Variants in CYTH1 observed in about 807,000 individuals in gnomAD.
CYTH1 encodes cytohesin-1.
CYTH1 carries 18 observed loss-of-function variants against 61.8 expected under a neutral mutation model. That is an observed-to-expected ratio of 0.29 (90% CI 0.20 to 0.43). The LOEUF is 0.43. CYTH1 is among the 20% of genes least tolerant of loss of function. CYTH1 has a pLI of 1.00. For missense variants in CYTH1, 336 were observed against 510.5 expected (o/e 0.66, Z 3.29); for synonymous variants, 174 against 184.3 (o/e 0.94, Z 0.45).
intron 1 of CYTH1, among the ~76,000 whole-genome samples, chr17:78,766,971 T>C (rs1280956029): frequency 1.3e-5 from 2 of 152,172 alleles, no homozygotes; most frequent in East Asian, 3.8e-4. Flanking sequence ...TTTCCTCACC[T>C]ATAAAATCAG....
At chr17:78,681,673 T>A (rs2092764243) in intron 11 of CYTH1, among the ~76,000 whole-genome samples, 1 of 152,048 alleles carries the variant, frequency 6.6e-6, no homozygotes, top group South Asian at 2.1e-4. Context: ...CTGACGGCAG[T>A]TTCACAGTCC....
Position 78,674,889 on chromosome 17 carries a change from AG to A in CYTH1, c.*1201del. ...CAGGGCCAGCTCACACAGCGCCTGCAGGGGAAGACAGAGATGCGAGAGGCAG... is the reference window on the plus strand; with the variant it reads ...CAGGGCCAGCTCACACAGCGCCTGCAGGGAAGACAGAGATGCGAGAGGCAG... On this transcript the variant is annotated 3_prime_UTR_variant, in exon 14 of 14. Transcript: ENST00000446868. The A allele has an allele frequency of 6.5e-6, 1 of 153,250 alleles. No individual in the cohort carries two copies. Among genetic ancestry groups the A allele is most frequent in the Admixed American group, 6.5e-5 (1 of 15,318 alleles). The allele number at this position is 153,250 out of a possible 1,614,324, so 9.5% of individuals were successfully genotyped here. A position where few individuals can be genotyped will look rare whatever the true frequency, so the allele number is the denominator to read the frequency against.
intron 1 of CYTH1, among the ~76,000 whole-genome samples, chr17:78,714,764 T>C (rs912711607): frequency 6.6e-6 from 1 of 151,932 alleles, no homozygotes; most frequent in Non-Finnish European, 1.5e-5. Flanking sequence ...TGCTTCACTC[T>C]TACACTTACA....
Position 78,681,687 on chromosome 17 carries a change from GA to G in CYTH1, c.892-646del, listed in dbSNP as rs74656209. The stretch of plus-strand genomic sequence containing the variant: ...CCTGACGGCAGTTTCACAGTCCCCT[GA>G]TATCCAGCCAACCCATGGCCAAGTC... On this transcript the variant is annotated intron_variant, in intron 11 of 13. Coordinates refer to ENST00000446868, the MANE Select transcript of CYTH1 (RefSeq NM_004762.6). Among the ~76,000 whole-genome samples the G allele has an allele frequency of 1.6e-3, 237 of 152,228 alleles. 4 individuals carry two copies. In the East Asian group the frequency reaches 0.041, roughly 27 times the overall value.
intron 1 of CYTH1, among the ~76,000 whole-genome samples, chr17:78,718,088 T>G (rs1055572354): frequency 2.0e-5 from 3 of 151,838 alleles, no homozygotes; most frequent in Non-Finnish European, 2.9e-5. Flanking sequence ...TTAGTCAGAG[T>G]TGCTCCCAGG....
chr17:78,690,155 G>A (rs187295754), intron 11 of CYTH1, among the ~76,000 whole-genome samples: 1 of 151,758 alleles, frequency 6.6e-6, no homozygotes, highest in Non-Finnish European at 1.5e-5. Flanking sequence ...CAGCACTTTG[G>A]AAGGCTGAGA....
intron 10 of CYTH1, among the ~76,000 whole-genome samples, chr17:78,694,597 C>T (rs906424606): frequency 3.9e-5 from 6 of 152,120 alleles, no homozygotes; most frequent in Non-Finnish European, 8.8e-5. Context: ...TCCAGCCTGG[C>T]GGGCCATTGG....
At chr17:78,770,607 T>C (rs79699589) in intron 1 of CYTH1, among the ~76,000 whole-genome samples, 15 of 152,114 alleles carry the variant, frequency 9.9e-5, no homozygotes, top group East Asian at 3.9e-4. Context: ...TTAGTAGAGA[T>C]GGGGTTTCAC....
chr17:78,734,741 G>C (rs1431049547), intron 1 of CYTH1, among the ~76,000 whole-genome samples: 1 of 152,056 alleles, frequency 6.6e-6, no homozygotes, highest in Non-Finnish European at 1.5e-5. Flanking sequence ...CGCCCAGCCA[G>C]AAAGCAATAT....
intron 1 of CYTH1, among the ~76,000 whole-genome samples, chr17:78,733,439 G>A (rs1325832220): frequency 5.3e-5 from 8 of 152,158 alleles, no homozygotes; most frequent in South Asian, 2.1e-4. Context: ...TCCGGTCACC[G>A]GCTGCATCCT....
At chr17:78,755,185 A>G (rs1365039033) in intron 1 of CYTH1, among the ~76,000 whole-genome samples, 4 of 152,198 alleles carry the variant, frequency 2.6e-5, no homozygotes, top group Non-Finnish European at 5.9e-5. Flanking sequence ...TTATTTATTT[A>G]TTTGTTTTGA....
At chr17:78,760,458 T>C (rs1251917702) in intron 1 of CYTH1, among the ~76,000 whole-genome samples, 7 of 52,084 alleles carry the variant, frequency 1.3e-4, no homozygotes, top group African/African-American at 4.1e-4. Context: ...TATATATACA[T>C]ACATATATAT....
At chr17:78,754,074 C>T (rs1043381186) in intron 1 of CYTH1, among the ~76,000 whole-genome samples, 3 of 152,058 alleles carry the variant, frequency 2.0e-5, no homozygotes, top group East Asian at 1.9e-4. Flanking sequence ...TCAAAGTGGC[C>T]GTTGTGTGAA....
chr17:78,683,106 T>C (rs1226578613), intron 11 of CYTH1, among the ~76,000 whole-genome samples: 1 of 152,262 alleles, frequency 6.6e-6, no homozygotes, highest in Non-Finnish European at 1.5e-5. Flanking sequence ...GAGTTTTCAC[T>C]TCTACCATGC....
intron 1 of CYTH1, among the ~76,000 whole-genome samples, chr17:78,741,100 A>T (rs1437143193): frequency 1.3e-5 from 2 of 152,254 alleles, no homozygotes; most frequent in Non-Finnish European, 2.9e-5. Flanking sequence ...TAAAAAGCAC[A>T]CATTAGGCCA....
chr17:78,772,815 C>T (rs1046704776), intron 1 of CYTH1, among the ~76,000 whole-genome samples: 7 of 151,742 alleles, frequency 4.6e-5, no homozygotes, highest in Non-Finnish European at 7.4e-5. Context: ...GGATTACAGG[C>T]GTGAGCCACC....
chr17:78,770,990 C>T (rs2093469121), intron 1 of CYTH1, among the ~76,000 whole-genome samples: 1 of 152,154 alleles, frequency 6.6e-6, no homozygotes, highest in Non-Finnish European at 1.5e-5. Flanking sequence ...TGGCCAGGCG[C>T]AGTAGCTCAC....
At chr17:78,680,614 C>T (rs986055865) in intron 12 of CYTH1, among the ~76,000 whole-genome samples, 2 of 152,288 alleles carry the variant, frequency 1.3e-5, no homozygotes, top group East Asian at 3.9e-4. Context: ...AGGTGACTCA[C>T]GACTTTAACT....
intron 11 of CYTH1, among the ~76,000 whole-genome samples, chr17:78,684,776 T>G (rs981338193): frequency 2.0e-5 from 3 of 152,200 alleles, no homozygotes; most frequent in Non-Finnish European, 4.4e-5. Context: ...ATTTTAATTG[T>G]TTAGAATTTA....
Sources: allele counts gnomAD v4.1 joint callset (sites outside exome capture counted in the v4.1 genomes callset), GRCh38; gene constraint gnomAD v4.1.1; transcripts MANE v1.5; gene names NCBI Gene and HGNC (gene_info 2026-07-23, HGNC 2026-07-21).